Variants in CYP19A1 observed in about 807,000 individuals in gnomAD.
CYP19A1 encodes the protein cytochrome P450 family 19 subfamily A member 1, also known as aromatase.
Under a neutral mutation model 44.4 loss-of-function variants are expected in CYP19A1, and 32 were observed. That is an observed-to-expected ratio of 0.72 (90% CI 0.54 to 0.97). CYP19A1 has a LOEUF of 0.97. Ranked by LOEUF, CYP19A1 falls within the 50% of genes least tolerant of loss-of-function variation. The pLI is 0.00. For synonymous variants in CYP19A1, 212 were observed against 215.6 expected, an observed-to-expected ratio of 0.98 and a Z score of 0.14; for missense variants, 598 against 637.8, an observed-to-expected ratio of 0.94 and a Z score of 0.67.
chr15:51,306,239 G>A (rs149185183), intron 1 of CYP19A1, among the ~76,000 whole-genome samples: 8 of 152,132 alleles, frequency 5.3e-5, no homozygotes, highest in African/African-American at 7.2e-5. Context: ...ACACACTCGG[G>A]TACACACAAG....
intron 5 of CYP19A1, chr15:51,221,791 C>G (rs2032104132): frequency 6.4e-6 from 1 of 157,384 alleles, no homozygotes; most frequent in Non-Finnish European, 1.4e-5. Context: ...CATGTATATA[C>G]AGCAATTTTT....
chr15:51,299,118 G>A (rs946353112), intron 1 of CYP19A1, among the ~76,000 whole-genome samples: 3 of 152,236 alleles, frequency 2.0e-5, no homozygotes, highest in African/African-American at 7.2e-5. Flanking sequence ...CCGAGGTCCT[G>A]TGTACTCCTT....
intron 4 of CYP19A1, among the ~76,000 whole-genome samples, chr15:51,223,082 C>T (rs1023603603): frequency 6.6e-6 from 1 of 152,152 alleles, no homozygotes; most frequent in Non-Finnish European, 1.5e-5. Flanking sequence ...TCTCTTCAAA[C>T]TACTTCCAGG....
chr15:51,240,384 C>T (rs1293449607), intron 2 of CYP19A1, among the ~76,000 whole-genome samples: 1 of 152,122 alleles, frequency 6.6e-6, no homozygotes, highest in Non-Finnish European at 1.5e-5. Context: ...AACACACCAA[C>T]CTCACCAGAG....
At chr15:51,226,382 C>T (rs988580742) in intron 4 of CYP19A1, among the ~76,000 whole-genome samples, 1 of 152,206 alleles carries the variant, frequency 6.6e-6, no homozygotes, top group Non-Finnish European at 1.5e-5. Context: ...GACTTCTGAC[C>T]TACAGAACTG....
chr15:51,336,651 G>T (rs2036780110), intron 1 of CYP19A1, among the ~76,000 whole-genome samples: 1 of 152,206 alleles, frequency 6.6e-6, no homozygotes, highest in African/African-American at 2.4e-5. Context: ...TGGAACTAAA[G>T]TTGGGGTATA....
At chr15:51,276,092 C>G (rs1595747627) in intron 1 of CYP19A1, among the ~76,000 whole-genome samples, 1 of 152,150 alleles carries the variant, frequency 6.6e-6, no homozygotes, top group Non-Finnish European at 1.5e-5. Context: ...GTTTTGATTT[C>G]CAGATTTATA....
chr15:51,328,329 A>G (rs1029063901), intron 1 of CYP19A1, among the ~76,000 whole-genome samples: 1 of 152,190 alleles, frequency 6.6e-6, no homozygotes, highest in South Asian at 2.1e-4. Flanking sequence ...ATTGAGCAGG[A>G]CATTTGAAAG....
chr15:51,279,701 G>T (rs1046212913), intron 1 of CYP19A1, among the ~76,000 whole-genome samples: 1 of 152,154 alleles, frequency 6.6e-6, no homozygotes, highest in African/African-American at 2.4e-5. Context: ...TTTTGGGATA[G>T]AAATGGAAGC....
At chr15:51,288,088 A>G (rs185219668) in intron 1 of CYP19A1, among the ~76,000 whole-genome samples, 1 of 152,294 alleles carries the variant, frequency 6.6e-6, no homozygotes, top group Non-Finnish European at 1.5e-5. Flanking sequence ...TCTCAAGAGT[A>G]AGGACCATGT....
chr15:51,294,724 C>G (rs955857518), intron 1 of CYP19A1, among the ~76,000 whole-genome samples: 1 of 146,684 alleles, frequency 6.8e-6, no homozygotes, highest in Non-Finnish European at 1.5e-5. Context: ...TCTGGCCAGC[C>G]GCCCCCCGGG....
chr15:51,258,445 G>A (rs1037476776), intron 1 of CYP19A1, among the ~76,000 whole-genome samples: 1 of 152,176 alleles, frequency 6.6e-6, no homozygotes, highest in African/African-American at 2.4e-5. Context: ...CAAAGCCCAA[G>A]TGCTTGTTTA....
chr15:51,281,981 AAAT>A (rs1437154574), intron 1 of CYP19A1, among the ~76,000 whole-genome samples: 2 of 152,232 alleles, frequency 1.3e-5, no homozygotes, highest in African/African-American at 2.4e-5. Context: ...AAGGCAAGAA[AAAT>A]AATAATGAGA....
At chr15:51,255,110 G>A (rs2034465676) in intron 1 of CYP19A1, among the ~76,000 whole-genome samples, 2 of 152,146 alleles carry the variant, frequency 1.3e-5, no homozygotes, top group Admixed American at 6.5e-5. Context: ...AATGGCCAAG[G>A]AGTGACTTAT....
chr15:51,324,619 C>G (rs2036579462), intron 1 of CYP19A1, among the ~76,000 whole-genome samples: 1 of 152,154 alleles, frequency 6.6e-6, no homozygotes, highest in Admixed American at 6.5e-5. Flanking sequence ...AATTATTAGC[C>G]AAAAATAAAA....
In CYP19A1 at chr15:51,215,209, C is replaced by G; in HGVS notation, c.882G>C (p.Glu294Asp). ...LAEKRGDLTR[E>D]NVNQCILEML... ...TTTCCAATATGCACTGGTTCACATT[C>G]TCTCTTGTCAGGTCACCACGTTTCT... Residue 294 changes from glutamate to aspartate, a missense_variant, in exon 8 of 10, where the codon GAG becomes GAC. Physicochemically the swap from Glu to Asp is conservative, Grantham distance 45. Transcript: ENST00000396402. 1 of 1,614,106 alleles carries G rather than the reference C, an allele frequency of 6.2e-7. No individual in the cohort carries two copies. The highest frequency in any genetic ancestry group is 1.3e-5 in the African/African-American group (1 of 75,040).
intron 1 of CYP19A1, among the ~76,000 whole-genome samples, chr15:51,262,250 T>C (rs190044281): frequency 1.6e-4 from 25 of 152,026 alleles, no homozygotes; most frequent in Admixed American, 2.6e-4. Context: ...TAAATCTATA[T>C]TCTATAGAAA....
At chr15:51,298,933 TG>T (rs2036056179) in intron 1 of CYP19A1, among the ~76,000 whole-genome samples, 1 of 152,368 alleles carries the variant, frequency 6.6e-6, no homozygotes, top group Non-Finnish European at 1.5e-5. Context: ...ATTGCTAATG[TG>T]AGCTTGCCCA....
At chr15:51,326,113 A>C (rs2141026509) in intron 1 of CYP19A1, among the ~76,000 whole-genome samples, 1 of 152,310 alleles carries the variant, frequency 6.6e-6, no homozygotes, top group South Asian at 2.1e-4. Flanking sequence ...AAAAATCATA[A>C]GTTGAATCAT....
Sources: gnomAD v4.1 joint callset for allele counts (sites outside exome capture counted in the v4.1 genomes callset) on GRCh38, gnomAD v4.1.1 for gene constraint, MANE v1.5 for transcripts, NCBI Gene and HGNC (gene_info 2026-07-23, HGNC 2026-07-21) for gene names.